PALB2: variants seen among roughly 807,000 people sequenced by gnomAD.
The protein encoded by PALB2 is mutant partner and localizer of BRCA2.
In PALB2, 82 loss-of-function variants were observed where a neutral mutation model predicts 107.4. The ratio of observed to expected loss-of-function variants is 0.76; its 90% CI spans 0.64 to 0.92. The LOEUF is 0.92. PALB2 is among the 40% of genes least tolerant of loss of function. The pLI is 0.00. For missense variants in PALB2, 1,374 were observed against 1,379.9 expected (o/e 1.00, Z 0.07); for synonymous variants, 489 against 496.8 (o/e 0.98, Z 0.21).
In PALB2 at chr16:23,630,035, G is replaced by A. The variant is rs2142380644; in HGVS notation, c.2119C>T (p.Pro707Ser). The A allele has an allele frequency of 6.2e-7, 1 of 1,614,162 alleles. No individual in the cohort carries two copies. The highest frequency in any genetic ancestry group is 1.6e-4 in the Middle Eastern group (1 of 6,062). The change falls in exon 5 of 13, where the codon CCT becomes TCT. Residue 707 changes from proline (P) to serine (S), a missense_variant. Physicochemically the swap from Pro to Ser is moderately conservative, Grantham distance 74. Transcript: ENST00000261584. ...GLSSSILLYTPLNTVAPDDND... is the reference protein window; with the variant it reads ...GLSSSILLYTSLNTVAPDDND... ...TCATCAGGCGCAACCGTATTTAAAG[G>A]AGTATAAAGTAATATGGATGAAGAA...
At chr16:23,615,705 C>T (rs1250268410) in intron 10 of PALB2, among the ~76,000 whole-genome samples, 2 of 151,878 alleles carry the variant, frequency 1.3e-5, no homozygotes, top group Non-Finnish European at 2.9e-5. Context: ...GTTCTTGTTG[C>T]CTAGGCTGGA....
rs2142421945 is a variant in PALB2, at chr16:23,635,310, T to C, written c.1236A>G (p.Thr412=). The C allele has an allele frequency of 6.2e-7, 1 of 1,614,130 alleles. No homozygotes were observed. Among genetic ancestry groups the C allele is most frequent in the Non-Finnish European group, 8.5e-7 (1 of 1,180,028 alleles). ...LLFPAEYYVR[T]TRSMSNCQRK... ...TCTGGCAATTGGACATGCTTCGTGT[T>C]GTTCTAACATAATATTCTGCAGGAA... Residue 412 remains threonine, a synonymous_variant, in exon 4 of 13, where the codon ACA becomes ACG. Transcript: ENST00000261584.
In PALB2 at chr16:23,630,187, G is replaced by A. The variant is rs370360082; in HGVS notation, c.1967C>T (p.Pro656Leu). 1.2e-6 allele frequency: 2 copies of A among 1,614,088 alleles called. No homozygotes were observed. Among genetic ancestry groups the A allele is most frequent in the East Asian group, 2.2e-5 (1 of 44,884 alleles). ...RHLKEGSCIF[P>L]EELSPKRMDT... is the part of the protein sequence containing the mutation. The stretch of plus-strand genomic sequence containing the variant: ...CATGCGTTTAGGACTCAGTTCCTCT[G>A]GAAAAATACAGCTTCCCTCTTTAAG... Residue 656 changes from proline (P) to leucine (L), a missense_variant, in exon 5 of 13, where the codon CCA becomes CTA. By Grantham distance (98) the Pro-to-Leu change is moderately conservative (BLOSUM62 -3). Transcript: ENST00000261584.
At chr16:23,636,470 G>T in intron 3 of PALB2, 136 bp from the exon 4 acceptor site, 1 of 688,918 alleles carries the variant, frequency 1.5e-6, no homozygotes, top group Non-Finnish European at 2.3e-6. Context: ...CATTCAGGCA[G>T]ATGAATTTAC....
chr16:23,629,559 G>A lies in PALB2; in HGVS notation c.2514+81C>T. On this transcript the variant is annotated intron_variant, in intron 5 of 12. Coordinates refer to ENST00000261584, the MANE Select transcript of PALB2 (RefSeq NM_024675.4). ...CATTCTTAAACGTGGAAGGCCCAAT[G>A]CGCAAGCAAGTCATGCTGTTTACAT... 2 of 1,371,460 alleles carry A rather than the reference G, an allele frequency of 1.5e-6. 1 individual carries two copies. The highest frequency in any genetic ancestry group is 2.3e-5 in the South Asian group (2 of 85,856). 85.0% of individuals were successfully genotyped at this position (1,371,460 alleles called of 1,614,324 possible).
Position 23,603,340 on chromosome 16 carries a change from G to T in PALB2, c.*119C>A. 1 of 815,926 alleles carries T rather than the reference G, an allele frequency of 1.2e-6. No homozygotes were observed. Among genetic ancestry groups the T allele is most frequent in the East Asian group, 2.6e-5 (1 of 39,186 alleles). 50.5% of individuals were successfully genotyped at this position (815,926 alleles called of 1,614,324 possible). Reference sequence around the variant, plus strand: ...ATTAGAATAAAAAATAAGTCTGTCTGGACATAAACAAGCAATCATTTTAAG... The same window carrying T: ...ATTAGAATAAAAAATAAGTCTGTCTTGACATAAACAAGCAATCATTTTAAG... On this transcript the variant is annotated 3_prime_UTR_variant, in exon 13 of 13. Transcript: ENST00000261584.
chr16:23,613,187 C>T (rs1232592986), intron 11 of PALB2, among the ~76,000 whole-genome samples: 1 of 152,148 alleles, frequency 6.6e-6, no homozygotes, highest in Non-Finnish European at 1.5e-5. Context: ...CTTCTAGCTA[C>T]TTTGAAATAT....
At position 23,628,953 on chromosome 16, in the gene PALB2, A is replaced by G. The variant is rs543003437; in HGVS notation, c.2586+251T>C. Among the ~76,000 whole-genome samples, 213 of 152,304 alleles carry G rather than the reference A, an allele frequency of 1.4e-3. 2 individuals are homozygous for G. The highest frequency in any genetic ancestry group is 2.4e-3 in the Non-Finnish European group (160 of 68,026). ...CCAGCTCCCTAACTTAGATTTAGAC[A>G]TGAAGTTCAGTTACTTAGCCTAAGT... On this transcript the variant is annotated intron_variant, in intron 6 of 12. Transcript: ENST00000261584.
intron 4 of PALB2, 111 bp downstream of exon 4, chr16:23,634,751 C>G (rs1480365131): frequency 2.8e-6 from 4 of 1,450,884 alleles, no homozygotes; most frequent in Non-Finnish European, 3.7e-6. Context: ...CGTAAGCCAC[C>G]ACACTTGGCC....
Position 23,624,200 on chromosome 16 carries a change from A to G in PALB2, c.2749-106T>C. 9.2e-6 allele frequency: 7 copies of G among 759,352 alleles called. No individual in the cohort carries two copies. In the South Asian group the frequency reaches 1.1e-4, roughly 12 times the overall value. 47.0% of individuals were successfully genotyped at this position (759,352 alleles called of 1,614,324 possible). ...TCTTTTGTATTCTCACTGTACAAGG[A>G]TAATTTTCATCATTTGAAGGCTCAG... On this transcript the variant is annotated intron_variant, in intron 7 of 12. Transcript: ENST00000261584.
chr16:23,618,850 G>C (rs368102154), intron 10 of PALB2, among the ~76,000 whole-genome samples: 1 of 152,056 alleles, frequency 6.6e-6, no homozygotes, highest in African/African-American at 2.4e-5. Flanking sequence ...AACACCCCTC[G>C]GCAGAAACCC....
intron 11 of PALB2, among the ~76,000 whole-genome samples, chr16:23,608,837 T>G (rs1966531348): frequency 7.9e-6 from 1 of 125,822 alleles, no homozygotes; most frequent in South Asian, 2.5e-4. Flanking sequence ...TATACAGATT[T>G]TTTTTTTTTG....
chr16:23,614,074 T>C lies in PALB2; in HGVS notation c.3131A>G (p.Gln1044Arg). The change falls in exon 11 of 13, where the codon CAA becomes CGA. Residue 1044 changes from glutamine to arginine, a missense_variant. Gln to Arg is a conservative substitution (Grantham distance 43). Transcript: ENST00000261584. ...NIVIWNLKTG[Q>R]LLKKMHIDDS... is the part of the protein sequence containing the mutation. ...ATCAATGTGCATCTTTTTCAGGAGT[T>C]GACCAGTTTTTAAATTCCTTAGATA... The C allele has an allele frequency of 6.2e-7, 1 of 1,612,276 alleles. No homozygotes were observed. Among genetic ancestry groups the C allele is most frequent in the South Asian group, 1.1e-5 (1 of 90,962 alleles).
At chr16:23,631,561 A>C (rs769293106) in intron 4 of PALB2, among the ~76,000 whole-genome samples, 3 of 152,200 alleles carry the variant, frequency 2.0e-5, no homozygotes, top group Non-Finnish European at 2.9e-5. Context: ...AAAACCAAAC[A>C]AAACAAAACA....
intron 10 of PALB2, among the ~76,000 whole-genome samples, chr16:23,615,656 A>T (rs1044410412): frequency 6.6e-5 from 10 of 152,036 alleles, no homozygotes; most frequent in African/African-American, 2.4e-4. Flanking sequence ...TAGCCACAAC[A>T]TAAAGTCCAA....
chr16:23,631,161 T>A (rs917034683), intron 4 of PALB2, among the ~76,000 whole-genome samples: 6 of 147,106 alleles, frequency 4.1e-5, no homozygotes, highest in Non-Finnish European at 8.9e-5. Context: ...GCGCCTGTAG[T>A]CCCAGCTACT....
rs180177140 is a variant in PALB2 at position 23,641,265 on chromosome 16, G to A, written c.-108C>T. On this transcript the variant is annotated 5_prime_UTR_variant, in exon 1 of 13. Transcript: ENST00000261584. ...GAGGCGCCCCAGGAAGGAATGGGGAGCCCGGGATCGCACCCTCAGTGCGCG... is the reference window on the plus strand; with the variant it reads ...GAGGCGCCCCAGGAAGGAATGGGGAACCCGGGATCGCACCCTCAGTGCGCG... The A allele has an allele frequency of 2.7e-5, 38 of 1,402,222 alleles. No homozygotes were observed. The highest frequency in any genetic ancestry group is 4.0e-5 in the Admixed American group (2 of 49,556). The allele number at this position is 1,402,222 out of a possible 1,614,324, so 86.9% of individuals were successfully genotyped here. A position where few individuals can be genotyped will look rare whatever the true frequency, so the allele number is the denominator to read the frequency against.
intron 9 of PALB2, among the ~76,000 whole-genome samples, chr16:23,622,604 C>T (rs1229347961): frequency 1.3e-5 from 2 of 152,140 alleles, no homozygotes; most frequent in African/African-American, 2.4e-5. Flanking sequence ...CTATGTGGCC[C>T]CAACTGGTCT....
rs1030721291 is a variant in PALB2, at chr16:23,607,751, A to G, written c.3350+113T>C. 2.5e-5 allele frequency: 31 copies of G among 1,239,392 alleles called. 2 individuals carry two copies. The Admixed American group carries it at 5.3e-4, about 21-fold the overall frequency. 76.8% of individuals were successfully genotyped at this position (1,239,392 alleles called of 1,614,324 possible). On this transcript the variant is annotated intron_variant, in intron 12 of 12. Transcript: ENST00000261584. ...CTTCTGAATATTCCTATCATGATAT[A>G]TAGTATTTCATGTTTTCCATTCTTC...
Sources: gnomAD v4.1 joint callset for allele counts (sites outside exome capture counted in the v4.1 genomes callset) on GRCh38, gnomAD v4.1.1 for gene constraint, MANE v1.5 for transcripts, NCBI Gene and HGNC (gene_info 2026-07-23, HGNC 2026-07-21) for gene names.